ACBD6: variants seen among roughly 807,000 people sequenced by gnomAD.
ACBD6 encodes acyl-CoA-binding domain-containing protein 6.
ACBD6 carries 28 observed loss-of-function variants against 37.2 expected under a neutral mutation model. The ratio of observed to expected loss-of-function variants is 0.75; its 90% CI spans 0.56 to 1.03. The LOEUF is 1.03. Among genes scored for constraint, ACBD6 ranks in the 50% least tolerant of loss-of-function variants. ACBD6 has a pLI of 0.00. For missense variants in ACBD6, 340 were observed against 337.4 expected, an observed-to-expected ratio of 1.01 and a Z score of -0.06; for synonymous variants, 113 against 126.8, an observed-to-expected ratio of 0.89 and a Z score of 0.73.
At chr1:180,342,525 G>A (rs1026949925) in intron 6 of ACBD6, among the ~76,000 whole-genome samples, 3 of 151,898 alleles carry the variant, frequency 2.0e-5, no homozygotes, top group African/African-American at 7.3e-5. Context: ...TAATTATTTG[G>A]AATGATTATG....
rs1433378025 is a variant in ACBD6 at position 180,430,063 on chromosome 1, A to G, written c.467+117T>C. The G allele has an allele frequency of 8.1e-6, 7 of 862,564 alleles. No individual in the cohort carries two copies. In the East Asian group the frequency reaches 1.8e-4, roughly 22 times the overall value. The allele number at this position is 862,564 out of a possible 1,614,324, so 53.4% of individuals were successfully genotyped here. On this transcript the variant is annotated intron_variant, in intron 4 of 7. Coordinates refer to ENST00000367595, the MANE Select transcript of ACBD6 (RefSeq NM_032360.4). The stretch of plus-strand genomic sequence containing the variant: ...AGAAGGAATGCTTCACAAATTGAAG[A>G]TTTCAGGATTAAAAATATATAGTAC...
intron 9 of ACBD6, chr1:180,275,573 T>C (rs1208747024): frequency 6.6e-6 from 1 of 152,052 alleles, no homozygotes; most frequent in South Asian, 2.1e-4. Context: ...TTTGAAGGAG[T>C]TGGTTTAGAT....
chr1:180,485,019 G>A lies in ACBD6; in HGVS notation c.384+7250C>T, dbSNP rs564511874. Among the ~76,000 whole-genome samples the A allele has an allele frequency of 9.9e-5, 15 of 151,424 alleles. No homozygotes were observed. The East Asian group carries it at 2.1e-3, about 22-fold the overall frequency. On this transcript the variant is annotated intron_variant, in intron 3 of 7. Transcript: ENST00000367595. ...CGGAAGGCGGGGGTTGCAGTGAGCC[G>A]AGATTGCACAACTGCAAATCTGTCC...
At chr1:180,407,956 T>C (rs918811006) in intron 5 of ACBD6, among the ~76,000 whole-genome samples, 2 of 152,214 alleles carry the variant, frequency 1.3e-5, no homozygotes, top group African/African-American at 2.4e-5. Flanking sequence ...TGTTATATTA[T>C]CATCATCCTT....
At chr1:180,325,191 G>A (rs1172582442) in intron 6 of ACBD6, among the ~76,000 whole-genome samples, 6 of 152,026 alleles carry the variant, frequency 3.9e-5, no homozygotes, top group African/African-American at 1.4e-4. Flanking sequence ...TTCTATCCCT[G>A]TCTCTTTCTC....
At chr1:180,274,402 C>T in intron 10 of ACBD6, 1 of 1,614,210 alleles carries the variant, frequency 6.2e-7, no homozygotes, top group Non-Finnish European at 8.5e-7. Flanking sequence ...GGCTGGATTA[C>T]ACGGTGGACA....
chr1:180,465,184 T>C (rs1339863847), intron 3 of ACBD6, among the ~76,000 whole-genome samples: 1 of 152,082 alleles, frequency 6.6e-6, no homozygotes, highest in African/African-American at 2.4e-5. Context: ...AGGGATCTAA[T>C]TAAACTTAAG....
exon 14 of ACBD6, chr1:180,271,179 T>C (rs1648631912): frequency 6.2e-6 from 4 of 648,432 alleles, no homozygotes; most frequent in South Asian, 3.4e-5. Flanking sequence ...TCCTCACTTT[T>C]CAGTGGCTTG....
intron 6 of ACBD6, among the ~76,000 whole-genome samples, chr1:180,348,829 T>G (rs1652291416): frequency 6.6e-6 from 1 of 152,238 alleles, no homozygotes; most frequent in Admixed American, 6.5e-5. Context: ...ATTTTCTACT[T>G]ATTCAACTGC....
chr1:180,437,927 G>T (rs1394260092), intron 3 of ACBD6, among the ~76,000 whole-genome samples: 1 of 152,160 alleles, frequency 6.6e-6, no homozygotes, highest in Non-Finnish European at 1.5e-5. Context: ...TATGATGAGG[G>T]TATGCACAGA....
At chr1:180,396,652 G>T (rs765258024) in intron 6 of ACBD6, among the ~76,000 whole-genome samples, 9 of 151,990 alleles carry the variant, frequency 5.9e-5, no homozygotes, top group Non-Finnish European at 1.2e-4. Context: ...CATTTCTCCA[G>T]AAAAGATATG....
Position 180,430,231 on chromosome 1 carries a change from G to GT in ACBD6, c.415dup (p.Thr139AsnfsTer9). 2 of 1,613,298 alleles carry GT rather than the reference G, an allele frequency of 1.2e-6. No homozygotes were observed. Among genetic ancestry groups the GT allele is most frequent in the Non-Finnish European group, 1.7e-6 (2 of 1,179,706 alleles). On this transcript the variant is annotated frameshift_variant, in exon 4 of 8. Coordinates refer to ENST00000367595, the MANE Select transcript of ACBD6 (RefSeq NM_032360.4). LOFTEE classifies it high-confidence loss of function. ...ACTAATAACTGGCCCACCAAAACCT[G>GT]TATTTGCTTCTTTTCCTTTCTTCTC...
At chr1:180,350,948 G>T (rs920430603) in intron 6 of ACBD6, among the ~76,000 whole-genome samples, 5 of 152,180 alleles carry the variant, frequency 3.3e-5, no homozygotes, top group African/African-American at 1.2e-4. Context: ...GTCTCCTAAT[G>T]TCTTGTTGCA....
intron 6 of ACBD6, among the ~76,000 whole-genome samples, chr1:180,343,873 G>A (rs1364797850): frequency 6.6e-6 from 1 of 152,078 alleles, no homozygotes; most frequent in Non-Finnish European, 1.5e-5. Context: ...GTTTGAGACC[G>A]GCCTGGGTGA....
chr1:180,412,563 C>G (rs1404538321), intron 5 of ACBD6, among the ~76,000 whole-genome samples: 1 of 152,044 alleles, frequency 6.6e-6, no homozygotes, highest in Non-Finnish European at 1.5e-5. Flanking sequence ...ATTCACAACA[C>G]AAATAAATTA....
chr1:180,311,810 G>A (rs1650604483), intron 7 of ACBD6, among the ~76,000 whole-genome samples: 1 of 152,128 alleles, frequency 6.6e-6, no homozygotes, highest in Non-Finnish European at 1.5e-5. Flanking sequence ...CCAAATTTTT[G>A]TAGATTTTCT....
At chr1:180,382,114 CAAAAAA>C (rs59973107) in intron 6 of ACBD6, among the ~76,000 whole-genome samples, 1 of 112,168 alleles carries the variant, frequency 8.9e-6, no homozygotes, top group Non-Finnish European at 1.9e-5. Context: ...GACTGCATCT[CAAAAAA>C]AAAAAAAAAG....
intron 3 of ACBD6, among the ~76,000 whole-genome samples, chr1:180,437,634 G>A (rs1571510463): frequency 6.6e-6 from 1 of 152,108 alleles, no homozygotes; most frequent in East Asian, 1.9e-4. Context: ...CACCCAATCT[G>A]TTATTCAGCA....
At chr1:180,418,573 CTT>C (rs1446743343) in intron 4 of ACBD6, among the ~76,000 whole-genome samples, 1 of 150,872 alleles carries the variant, frequency 6.6e-6, no homozygotes, top group Admixed American at 6.6e-5. Flanking sequence ...GATCCTGTCT[CTT>C]AAAAAAGAAA....
Sources: gnomAD v4.1 joint callset for allele counts (sites outside exome capture counted in the v4.1 genomes callset) on GRCh38, gnomAD v4.1.1 for gene constraint, MANE v1.5 for transcripts, NCBI Gene and HGNC (gene_info 2026-07-23, HGNC 2026-07-21) for gene names.